LRP1B: variants seen among roughly 807,000 people sequenced by gnomAD.
The protein encoded by LRP1B is low-density lipoprotein receptor-related protein 1B.
Under a neutral mutation model 556.6 loss-of-function variants are expected in LRP1B, and 217 were observed. The ratio of observed to expected loss-of-function variants is 0.39; its 90% CI spans 0.35 to 0.44. The LOEUF (loss-of-function observed/expected upper bound fraction) is 0.44. Among genes scored for constraint, LRP1B ranks in the 20% least tolerant of loss-of-function variants. The pLI, the probability that LRP1B is intolerant of heterozygous loss-of-function variation, is 1.00. For missense variants in LRP1B, 5,053 were observed against 5,620.8 expected (o/e 0.90, Z 3.23); for synonymous variants, 2,047 against 1,865.8 (o/e 1.10, Z -2.50).
rs527356199 is a variant in LRP1B, at chr2:141,550,616, G to A, written c.206-70083C>T. Among the ~76,000 whole-genome samples the A allele has an allele frequency of 4.2e-4, 64 of 152,088 alleles. No individual in the cohort carries two copies. The South Asian group carries it at 0.013, about 31-fold the overall frequency. On this transcript the variant is annotated intron_variant, in intron 2 of 90. Transcript: ENST00000389484. ...TCAATATACATGTCTTTGGATATTC[G>A]TTCAACCTCTTCATCTCCCTAATTT...
chr2:140,247,403 C>T (rs1681213291), intron 86 of LRP1B, among the ~76,000 whole-genome samples: 1 of 151,462 alleles, frequency 6.6e-6, no homozygotes. Flanking sequence ...TTTACTTATT[C>T]TGTGTTAAAA....
intron 43 of LRP1B, among the ~76,000 whole-genome samples, chr2:140,562,167 C>T (rs989696189): frequency 3.3e-5 from 5 of 152,004 alleles, no homozygotes; most frequent in Admixed American, 1.3e-4. Flanking sequence ...TATATATTTT[C>T]AAAGTTACTT....
intron 3 of LRP1B, among the ~76,000 whole-genome samples, chr2:141,369,322 A>C (rs566897263): frequency 6.6e-6 from 1 of 152,138 alleles, no homozygotes; most frequent in African/African-American, 2.4e-5. Context: ...ATTTACATCA[A>C]GAGATAGGTA....
At chr2:141,365,127 A>G (rs989696984) in intron 3 of LRP1B, among the ~76,000 whole-genome samples, 11 of 152,196 alleles carry the variant, frequency 7.2e-5, no homozygotes, top group Non-Finnish European at 1.5e-4. Flanking sequence ...AGAAAGAAAC[A>G]TGTTCTAATA....
intron 43 of LRP1B, among the ~76,000 whole-genome samples, chr2:140,559,193 A>G (rs1044511301): frequency 6.6e-6 from 1 of 152,142 alleles, no homozygotes; most frequent in Admixed American, 6.6e-5. Flanking sequence ...AAATTCTACA[A>G]GATAAATTAA....
rs553922341 is a variant in LRP1B at position 140,856,470 on chromosome 2, C to T, written c.4580-4687G>A. 1.5e-4 allele frequency among the ~76,000 whole-genome samples: 23 copies of T among 152,232 alleles called. No individual in the cohort carries two copies. The South Asian group carries it at 4.8e-3, about 32-fold the overall frequency. On this transcript the variant is annotated intron_variant, in intron 27 of 90. Transcript: ENST00000389484. ...TTTGTATTAGTATGTGTTGGTCTTT[C>T]TAGCTAAACCAGTGGTTGGCAAGCT...
chr2:140,980,374 C>T (rs1181559067), intron 18 of LRP1B, among the ~76,000 whole-genome samples: 1 of 152,108 alleles, frequency 6.6e-6, no homozygotes, highest in Non-Finnish European at 1.5e-5. Context: ...CACAATTAGT[C>T]TGGATAGTGG....
intron 32 of LRP1B, among the ~76,000 whole-genome samples, chr2:140,792,975 T>A (rs1690175281): frequency 6.6e-6 from 1 of 151,968 alleles, no homozygotes; most frequent in African/African-American, 2.4e-5. Context: ...ATATAGGTAA[T>A]TATTTAAATA....
At chr2:141,079,907 G>A (rs1699883482) in intron 7 of LRP1B, among the ~76,000 whole-genome samples, 1 of 152,134 alleles carries the variant, frequency 6.6e-6, no homozygotes, top group South Asian at 2.1e-4. Context: ...TAATCTTTGT[G>A]GAATAATCCT....
chr2:140,295,196 A>G (rs1683551224), intron 84 of LRP1B, among the ~76,000 whole-genome samples: 1 of 152,082 alleles, frequency 6.6e-6, no homozygotes, highest in Non-Finnish European at 1.5e-5. Flanking sequence ...TTATACAATA[A>G]TATAGGGATG....
intron 41 of LRP1B, among the ~76,000 whole-genome samples, chr2:140,625,990 T>A (rs1201395776): frequency 1.3e-5 from 2 of 152,158 alleles, no homozygotes; most frequent in Non-Finnish European, 2.9e-5. Context: ...TCTCAATAGG[T>A]AAATGCATAA....
intron 83 of LRP1B, among the ~76,000 whole-genome samples, chr2:140,305,999 A>AATTC (rs1414024591): frequency 6.7e-6 from 1 of 149,700 alleles, no homozygotes; most frequent in African/African-American, 2.4e-5. Context: ...CCCAGGGATG[A>AATTC]AGCCCACTTG....
intron 3 of LRP1B, among the ~76,000 whole-genome samples, chr2:141,344,965 C>T (rs1168241433): frequency 6.6e-6 from 1 of 152,106 alleles, no homozygotes. Flanking sequence ...GCTAACATTG[C>T]TAAATAGCTG....
intron 2 of LRP1B, among the ~76,000 whole-genome samples, chr2:141,591,138 G>C (rs1386210405): frequency 6.6e-6 from 1 of 152,136 alleles, no homozygotes; most frequent in African/African-American, 2.4e-5. Flanking sequence ...GCAGCTCCAA[G>C]AAGTACGTCT....
intron 1 of LRP1B, among the ~76,000 whole-genome samples, chr2:141,999,243 T>C (rs1702589982): frequency 6.6e-6 from 1 of 152,050 alleles, no homozygotes; most frequent in Non-Finnish European, 1.5e-5. Context: ...TGTCCGACCC[T>C]CCCCTCCCCA....
intron 1 of LRP1B, among the ~76,000 whole-genome samples, chr2:142,122,985 C>T (rs1707511059): frequency 1.3e-5 from 2 of 152,040 alleles, no homozygotes; most frequent in South Asian, 4.1e-4. Context: ...AGCTCAGCTA[C>T]TTGATCTGAG....
At chr2:141,432,650 C>A (rs1458421359) in intron 3 of LRP1B, among the ~76,000 whole-genome samples, 1 of 151,710 alleles carries the variant, frequency 6.6e-6, no homozygotes, top group Non-Finnish European at 1.5e-5. Flanking sequence ...GTTTTGGTAA[C>A]CTCTGTCTAT....
intron 2 of LRP1B, among the ~76,000 whole-genome samples, chr2:141,486,887 T>A (rs1308916570): frequency 2.0e-5 from 3 of 152,146 alleles, no homozygotes; most frequent in Non-Finnish European, 2.9e-5. Flanking sequence ...TAGCCTCTGC[T>A]TCTAACTTTC....
At chr2:140,425,613 G>T (rs1685619841) in intron 66 of LRP1B, among the ~76,000 whole-genome samples, 1 of 152,108 alleles carries the variant, frequency 6.6e-6, no homozygotes, top group East Asian at 1.9e-4. Flanking sequence ...GTTTCACCAT[G>T]TTGAGCAGGC....
Sources: allele counts gnomAD v4.1 joint callset (sites outside exome capture counted in the v4.1 genomes callset), GRCh38; gene constraint gnomAD v4.1.1; transcripts MANE v1.5; gene names NCBI Gene and HGNC (gene_info 2026-07-23, HGNC 2026-07-21).